The following TMEM218 variants were observed in gnomAD, a reference collection of about 807,000 sequenced individuals.
TMEM218 encodes the protein transmembrane protein 218.
In TMEM218, 8 loss-of-function variants were observed where a neutral mutation model predicts 10.0. That is an observed-to-expected ratio of 0.80 (90% CI 0.47 to 1.44). The LOEUF (loss-of-function observed/expected upper bound fraction) is 1.44. TMEM218 is among the 40% of genes most tolerant of loss of function. TMEM218 has a pLI of 0.00. For missense variants in TMEM218, 110 were observed against 140.1 expected (o/e 0.79, Z 1.08); for synonymous variants, 66 against 63.5 (o/e 1.04, Z -0.18).
In TMEM218 at chr11:125,097,103, AAT is replaced by A. The variant is rs1949743266; in HGVS notation, c.*501_*502del. The A allele has an allele frequency of 6.6e-6, 1 of 152,238 alleles. No individual in the cohort carries two copies. Among genetic ancestry groups the A allele is most frequent in the Admixed American group, 6.5e-5 (1 of 15,284 alleles). The allele number at this position is 152,238 out of a possible 1,614,324, so 9.4% of individuals were successfully genotyped here. A position where few individuals can be genotyped will look rare whatever the true frequency, so the allele number is the denominator to read the frequency against. ...CATTGCCTTCACAGAGCTCTGCAGA[AAT>A]ATATGCACAGAGTGGTCAATGACCA... On this transcript the variant is annotated 3_prime_UTR_variant, in exon 5 of 5. Transcript: ENST00000682305.
At position 125,102,332 on chromosome 11, in the gene TMEM218, T is replaced by C; in HGVS notation, c.-76-15A>G. On this transcript the variant is annotated splice_polypyrimidine_tract_variant and intron_variant, in intron 2 of 4. Coordinates refer to ENST00000682305, the MANE Select transcript of TMEM218 (RefSeq NM_001258244.2). ...AGTGCAACACACTCCCGTGAAAGCA[T>C]TCAGACAAATACAGAAAGCCTAAAC... The C allele has an allele frequency of 1.9e-6, 3 of 1,549,464 alleles. No homozygotes were observed. The highest frequency in any genetic ancestry group is 1.7e-6 in the Non-Finnish European group (2 of 1,150,650).
rs575776961 is a variant in TMEM218, at chr11:125,097,078, C to T, written c.*528G>A. Reference sequence around the variant, plus strand: ...TATTAGAGCAGAGGGAAGTGACACTCATTGCCTTCACAGAGCTCTGCAGAA... The same window carrying T: ...TATTAGAGCAGAGGGAAGTGACACTTATTGCCTTCACAGAGCTCTGCAGAA... On this transcript the variant is annotated 3_prime_UTR_variant, in exon 5 of 5. Coordinates refer to ENST00000682305, the MANE Select transcript of TMEM218 (RefSeq NM_001258244.2). The T allele has an allele frequency of 1.3e-5, 2 of 152,366 alleles. No individual in the cohort carries two copies. The highest frequency in any genetic ancestry group is 2.9e-5 in the Non-Finnish European group (2 of 68,028). The allele number at this position is 152,366 out of a possible 1,614,324, so 9.4% of individuals were successfully genotyped here.
chr11:125,096,098 A>G lies in TMEM218; in HGVS notation c.*1508T>C, dbSNP rs1399300459. 6.6e-6 allele frequency among the ~76,000 whole-genome samples: 1 copy of G among 152,178 alleles called. No homozygotes were observed. The highest frequency in any genetic ancestry group is 1.9e-4 in the East Asian group (1 of 5,202). On this transcript the variant is annotated 3_prime_UTR_variant, in exon 5 of 5. Transcript: ENST00000682305. Reference sequence around the variant, plus strand: ...CTGTGTGCCCTAGGCCAGATTAGGAAACTATTTCCTTTGAAGTTTTCTGTA... The same window carrying G: ...CTGTGTGCCCTAGGCCAGATTAGGAGACTATTTCCTTTGAAGTTTTCTGTA...
At position 125,095,344 on chromosome 11, in the gene TMEM218, A is replaced by G. The variant is rs1340619297; in HGVS notation, c.*2262T>C. Among the ~76,000 whole-genome samples, 1 of 152,200 alleles carries G rather than the reference A, an allele frequency of 6.6e-6. No homozygotes were observed. The highest frequency in any genetic ancestry group is 2.4e-5 in the African/African-American group (1 of 41,452). ...ACTAAGATGACTTCTGTCTGTATTT[A>G]AGGAATGACCTCTGAGCCCTGTCTC... is the stretch of plus-strand genomic sequence containing the variant. On this transcript the variant is annotated 3_prime_UTR_variant, in exon 5 of 5. Transcript: ENST00000682305.
chr11:125,102,322 C>A lies in TMEM218; in HGVS notation c.-76-5G>T. 1 of 1,558,124 alleles carries A rather than the reference C, an allele frequency of 6.4e-7. No individual in the cohort carries two copies. Among genetic ancestry groups the A allele is most frequent in the Non-Finnish European group, 8.7e-7 (1 of 1,154,566 alleles). ...TCTGTGCTCCAGTGCAACACACTCC[C>A]GTGAAAGCATTCAGACAAATACAGA... is the stretch of plus-strand genomic sequence containing the variant. On this transcript the variant is annotated splice_region_variant and splice_polypyrimidine_tract_variant and intron_variant, in intron 2 of 4. Coordinates refer to ENST00000682305, the MANE Select transcript of TMEM218 (RefSeq NM_001258244.2).
At chr11:125,110,319 G>T (rs1953497930) in intron 1 of TMEM218, among the ~76,000 whole-genome samples, 1 of 152,192 alleles carries the variant, frequency 6.6e-6, no homozygotes, top group African/African-American at 2.4e-5. Context: ...AAAGCAGGTA[G>T]ACTGGAGTGA....
intron 3 of TMEM218, 192 bp downstream of exon 3, chr11:125,101,936 ACTTC>A (rs1950893504): frequency 1.6e-6 from 1 of 636,634 alleles, no homozygotes; most frequent in Admixed American, 3.7e-5. Flanking sequence ...CAAGAACACT[ACTTC>A]CTTCTCCTCC....
rs1216668005 is a variant in TMEM218 at position 125,101,236 on chromosome 11, C to T, written c.178G>A (p.Ala60Thr). The T allele has an allele frequency of 1.2e-6, 2 of 1,613,574 alleles. No homozygotes were observed. Among genetic ancestry groups the T allele is most frequent in the Middle Eastern group, 1.6e-4 (1 of 6,084 alleles). ...ACTTCTGGGGCTGGGAATTCACCAG[C>T]TCGCGGGAAAAGCAACAGAACTGAT... is the stretch of plus-strand genomic sequence containing the variant. ...ITSVLLLFPR[A>T]GEFPAPEVEV... The change falls in exon 4 of 5, where the codon GCT becomes ACT. Residue 60 changes from alanine (A) to threonine (T), a missense_variant. By Grantham distance (58) the Ala-to-Thr change is moderately conservative (BLOSUM62 0). Coordinates refer to ENST00000682305, the MANE Select transcript of TMEM218 (RefSeq NM_001258244.2).
intron 3 of TMEM218, 42 bp from the exon 4 acceptor site, chr11:125,101,345 T>C: frequency 6.3e-7 from 1 of 1,585,150 alleles, no homozygotes; most frequent in Non-Finnish European, 8.6e-7. Context: ...CTGTCTATAA[T>C]TTCTTCTTTG....
Position 125,097,511 on chromosome 11 carries a change from A to C in TMEM218, c.*95T>G. On this transcript the variant is annotated 3_prime_UTR_variant, in exon 5 of 5. Coordinates refer to ENST00000682305, the MANE Select transcript of TMEM218 (RefSeq NM_001258244.2). ...GATACTCCTCTAACCTTAAGGCATG[A>C]GGGCTGTCAAAACAAGGCTCTGAAT... 6.5e-6 allele frequency: 9 copies of C among 1,386,716 alleles called. No individual in the cohort carries two copies. The highest frequency in any genetic ancestry group is 8.9e-6 in the Non-Finnish European group (9 of 1,008,182). 85.9% of individuals were successfully genotyped at this position (1,386,716 alleles called of 1,614,324 possible).
chr11:125,097,728 A>C lies in TMEM218; in HGVS notation c.226T>G (p.Phe76Val). 1 of 1,613,584 alleles carries C rather than the reference A, an allele frequency of 6.2e-7. No homozygotes were observed. The highest frequency in any genetic ancestry group is 8.5e-7 in the Non-Finnish European group (1 of 1,179,794). ...AGCAGGACATAGCGGCCAATGAAAA[A>C]GTCATCCACAATCTGGAGAAAGAAA... Reference protein sequence around the residue: ...PEVEVKIVDDFFIGRYVLLAF... With the variant: ...PEVEVKIVDDVFIGRYVLLAF... The change falls in exon 5 of 5, where the codon TTT becomes GTT. Residue 76 changes from phenylalanine (F) to valine (V), a missense_variant. Transcript: ENST00000682305.
chr11:125,101,584 C>G, intron 3 of TMEM218: 1 of 1,118,936 alleles, frequency 8.9e-7, no homozygotes. Context: ...CAAGAAAAAC[C>G]AAAGCATCCC....
rs1319135383 is a variant in TMEM218, at chr11:125,096,616, A to G, written c.*990T>C. 3.3e-5 allele frequency: 5 copies of G among 152,212 alleles called. No homozygotes were observed. Among genetic ancestry groups the G allele is most frequent in the African/African-American group, 1.2e-4 (5 of 41,462 alleles). The allele number at this position is 152,212 out of a possible 1,614,324, so 9.4% of individuals were successfully genotyped here. ...ATACTCCATCAGTGATCTCTTTCCA[A>G]CTTGTTTTCTTGGTTCTTAATTTTA... On this transcript the variant is annotated 3_prime_UTR_variant, in exon 5 of 5. Transcript: ENST00000682305.
At position 125,094,574 on chromosome 11, in the gene TMEM218, C is replaced by T. The variant is rs1164050419; in HGVS notation, c.*3032G>A. Among the ~76,000 whole-genome samples, 1 of 152,170 alleles carries T rather than the reference C, an allele frequency of 6.6e-6. No homozygotes were observed. Among genetic ancestry groups the T allele is most frequent in the Non-Finnish European group, 1.5e-5 (1 of 68,038 alleles). ...GAATCCTGATGTCAAGTTGGAGCCC[C>T]ACTTCTAATTAACTGTGAAACTTTT... On this transcript the variant is annotated 3_prime_UTR_variant, in exon 5 of 5. Transcript: ENST00000682305.
intron 1 of TMEM218, among the ~76,000 whole-genome samples, chr11:125,106,422 T>C (rs1658945533): frequency 6.6e-6 from 1 of 151,998 alleles, no homozygotes; most frequent in Non-Finnish European, 1.5e-5. Flanking sequence ...CCTCCAAATA[T>C]ATAAAGCCAA....
At chr11:125,109,347 A>G (rs1953107525) in intron 1 of TMEM218, among the ~76,000 whole-genome samples, 1 of 152,210 alleles carries the variant, frequency 6.6e-6, no homozygotes, top group Non-Finnish European at 1.5e-5. Flanking sequence ...TAAACAATAC[A>G]TGACAATTTC....
At chr11:125,111,210 C>T (rs1197261657) in intron 1 of TMEM218, among the ~76,000 whole-genome samples, 1 of 152,174 alleles carries the variant, frequency 6.6e-6, no homozygotes, top group Non-Finnish European at 1.5e-5. Context: ...GTTGCAGATT[C>T]AAACTGGCGA....
intron 2 of TMEM218, 65 bp from the exon 3 acceptor site, chr11:125,102,382 T>A: frequency 6.5e-7 from 1 of 1,527,222 alleles, no homozygotes; most frequent in Non-Finnish European, 8.7e-7. Flanking sequence ...TTTTTGATGA[T>A]CAGTGTGTTA....
At chr11:125,107,761 A>AT (rs1328174770) in intron 1 of TMEM218, among the ~76,000 whole-genome samples, 3 of 150,340 alleles carry the variant, frequency 2.0e-5, no homozygotes. Flanking sequence ...TTCTGAATAT[A>AT]TTTTAAACTT....
Sources: gnomAD v4.1 joint callset for allele counts (sites outside exome capture counted in the v4.1 genomes callset) on GRCh38, gnomAD v4.1.1 for gene constraint, MANE v1.5 for transcripts, NCBI Gene and HGNC (gene_info 2026-07-23, HGNC 2026-07-21) for gene names.